The following KLRG1 variants were observed in gnomAD, a reference collection of about 807,000 sequenced individuals.
KLRG1 encodes the protein killer cell lectin like receptor G1.
In KLRG1, 16 loss-of-function variants were observed where a neutral mutation model predicts 21.8. The observed-to-expected ratio is 0.73, with a 90% CI of 0.50 to 1.11. The LOEUF (loss-of-function observed/expected upper bound fraction) is 1.11. KLRG1 is among the 50% of genes most tolerant of loss of function. The probability of loss-of-function intolerance (pLI) is 0.00; values close to 1 mark genes in which losing one functional copy is unlikely to be tolerated. For missense variants in KLRG1, 173 were observed against 218.3 expected, an observed-to-expected ratio of 0.79 and a Z score of 1.31; for synonymous variants, 69 against 75.9, an observed-to-expected ratio of 0.91 and a Z score of 0.47.
chr12:9,005,390 C>T (rs1273632115), intron 3 of KLRG1, among the ~76,000 whole-genome samples: 1 of 151,956 alleles, frequency 6.6e-6, no homozygotes, highest in Non-Finnish European at 1.5e-5. Context: ...TATGTATACA[C>T]CATAGAATAC....
chr12:9,180,902 C>G, the KLRG1 span: 2 of 1,464,030 alleles, frequency 1.4e-6, no homozygotes, highest in Non-Finnish European at 1.8e-6. Context: ...ACCTACTCAT[C>G]TGACAAAGGG....
the KLRG1 span, chr12:9,113,329 C>G: frequency 6.2e-7 from 1 of 1,607,260 alleles, no homozygotes; most frequent in Non-Finnish European, 8.5e-7. Flanking sequence ...CTAAAAGAAC[C>G]AAGTATATTA....
the KLRG1 span, among the ~76,000 whole-genome samples, chr12:9,201,819 G>A: frequency 6.6e-6 from 1 of 152,118 alleles, no homozygotes; most frequent in East Asian, 1.9e-4. Flanking sequence ...ATTAAAAGCA[G>A]CTTTGTTCCT....
At chr12:9,002,040 T>G (rs1463021000) in intron 3 of KLRG1, among the ~76,000 whole-genome samples, 1 of 152,172 alleles carries the variant, frequency 6.6e-6, no homozygotes, top group African/African-American at 2.4e-5. Flanking sequence ...CATTCCACTA[T>G]TGCTTAAATC....
intron 1 of KLRG1, among the ~76,000 whole-genome samples, chr12:8,976,111 G>T (rs935584073): frequency 9.2e-5 from 14 of 152,022 alleles, no homozygotes; most frequent in African/African-American, 3.1e-4. Context: ...TTGCTCTAAA[G>T]GTTCCTCTTA....
chr12:9,200,393 A>G, the KLRG1 span: 7 of 1,610,672 alleles, frequency 4.3e-6, no homozygotes, highest in Admixed American at 1.0e-4. Flanking sequence ...TCACTTTTTC[A>G]TCCATGATAC....
At chr12:8,971,869 A>G (rs989375466) in intron 1 of KLRG1, among the ~76,000 whole-genome samples, 2 of 152,222 alleles carry the variant, frequency 1.3e-5, no homozygotes, top group Non-Finnish European at 2.9e-5. Flanking sequence ...AAAAGAAAAA[A>G]GTTTTGTATC....
chr12:9,177,115 C>T, the KLRG1 span, among the ~76,000 whole-genome samples: 5 of 152,150 alleles, frequency 3.3e-5, no homozygotes, highest in African/African-American at 7.2e-5. Flanking sequence ...GAACATTGTT[C>T]GTCGCACAAT....
chr12:9,202,315 T>C, the KLRG1 span: 6 of 1,612,310 alleles, frequency 3.7e-6, no homozygotes, highest in Non-Finnish European at 5.1e-6. Flanking sequence ...TAGTGGATGC[T>C]TACCAGTTCA....
the KLRG1 span, among the ~76,000 whole-genome samples, chr12:9,118,256 A>C: frequency 6.6e-6 from 1 of 152,062 alleles, no homozygotes; most frequent in Non-Finnish European, 1.5e-5. Flanking sequence ...CAGACTGCCT[A>C]GTTGACTTCT....
chr12:9,075,001 T>G, the KLRG1 span, among the ~76,000 whole-genome samples: 4 of 152,232 alleles, frequency 2.6e-5, no homozygotes, highest in Non-Finnish European at 4.4e-5. Flanking sequence ...TGCCTATCTA[T>G]GTTTTCAAAT....
At chr12:9,192,774 C>T in the KLRG1 span, 1 of 1,431,864 alleles carries the variant, frequency 7.0e-7, no homozygotes, top group South Asian at 1.2e-5. Context: ...AGAATACTGT[C>T]TTGAAATTCT....
At chr12:9,116,012 T>C in the KLRG1 span, 1 of 682,660 alleles carries the variant, frequency 1.5e-6, no homozygotes, top group Non-Finnish European at 2.7e-6. Context: ...TTGAGGTCTC[T>C]GAACATTCTC....
chr12:9,117,629 G>A, the KLRG1 span, among the ~76,000 whole-genome samples: 35 of 152,264 alleles, frequency 2.3e-4, no homozygotes, highest in African/African-American at 7.5e-4. Flanking sequence ...GGGTTGGGAA[G>A]ATGGAGTAAG....
chr12:9,138,962 C>T, the KLRG1 span, among the ~76,000 whole-genome samples: 1 of 150,108 alleles, frequency 6.7e-6, no homozygotes, highest in Non-Finnish European at 1.5e-5. Flanking sequence ...TTATTTCTTT[C>T]TCTGCTAATT....
the KLRG1 span, among the ~76,000 whole-genome samples, chr12:9,158,752 C>CTTTTTTTTTTTTTTT: frequency 1.0e-5 from 1 of 97,818 alleles, no homozygotes; most frequent in Non-Finnish European, 2.0e-5. Flanking sequence ...TTTTTCTTTT[C>CTTTTTTTTTTTTTTT]TTTTCTTTTT....
chr12:9,003,078 A>G (rs972703558), intron 3 of KLRG1, among the ~76,000 whole-genome samples: 5 of 152,136 alleles, frequency 3.3e-5, no homozygotes, highest in Non-Finnish European at 7.3e-5. Context: ...AGAAGTTGTA[A>G]GAGGACTGAC....
chr12:9,168,946 G>T, the KLRG1 span: 1 of 1,613,906 alleles, frequency 6.2e-7, no homozygotes, highest in Non-Finnish European at 8.5e-7. Context: ...TCGGATTTTT[G>T]AGTTAGTGAA....
the KLRG1 span, among the ~76,000 whole-genome samples, chr12:9,191,780 T>C: frequency 6.6e-6 from 1 of 152,196 alleles, no homozygotes. Context: ...AAAGTACTCA[T>C]GGCCTGGCAC....
Sources: allele counts gnomAD v4.1 joint callset (sites outside exome capture counted in the v4.1 genomes callset), GRCh38; gene constraint gnomAD v4.1.1; transcripts MANE v1.5; gene names NCBI Gene and HGNC (gene_info 2026-07-23, HGNC 2026-07-21).